BPHL: variants seen among roughly 807,000 people sequenced by gnomAD.
BPHL encodes serine hydrolase BPHL.
BPHL carries 27 observed loss-of-function variants against 31.2 expected under a neutral mutation model. The ratio of observed to expected loss-of-function variants is 0.87; its 90% CI spans 0.64 to 1.19. BPHL has a LOEUF of 1.19. Ranked by LOEUF, BPHL falls within the 50% of genes most tolerant of loss-of-function variation. BPHL has a pLI of 0.00. For synonymous variants in BPHL, 150 were observed against 146.8 expected (o/e 1.02, Z -0.16); for missense variants, 356 against 375.7 (o/e 0.95, Z 0.43).
intron 1 of BPHL, among the ~76,000 whole-genome samples, chr6:3,120,658 A>G (rs1307392622): frequency 6.6e-6 from 1 of 152,132 alleles, no homozygotes; most frequent in Non-Finnish European, 1.5e-5. Flanking sequence ...GCTGTTTGGA[A>G]CTTTGACCCT....
chr6:3,151,777 A>T (rs1444866948), intron 6 of BPHL, among the ~76,000 whole-genome samples: 1 of 152,212 alleles, frequency 6.6e-6, no homozygotes, highest in Non-Finnish European at 1.5e-5. Context: ...GGAAACTGTA[A>T]ATCTGTCCCA....
chr6:3,140,200 A>T lies in BPHL; in HGVS notation c.665-186A>T. Reference sequence around the variant, plus strand: ...GCAAACAAACAAGAAACAGAGAGAAACAGAAAAGGGAACCCAAAGAATGTT... The same window carrying T: ...GCAAACAAACAAGAAACAGAGAGAATCAGAAAAGGGAACCCAAAGAATGTT... On this transcript the variant is annotated intron_variant, in intron 5 of 6. Transcript: ENST00000380379. This position sits in a 1 kb window ranked among gnomAD's most constrained non-coding sequence, Gnocchi z 5.2. 1.5e-6 allele frequency: 1 copy of T among 671,112 alleles called. No homozygotes were observed. The highest frequency in any genetic ancestry group is 3.3e-5 in the Admixed American group (1 of 30,294). The allele number at this position is 671,112 out of a possible 1,614,324, so 41.6% of individuals were successfully genotyped here.
rs1762159037 is a variant in BPHL, at chr6:3,141,000, G to A, written c.788+491G>A. On this transcript the variant is annotated intron_variant, in intron 6 of 6. Transcript: ENST00000380379. The surrounding 1 kb of genome is among the most constrained non-coding windows in gnomAD (Gnocchi z 5.2). Reference sequence around the variant, plus strand: ...TCCCTAAAGCCCCCAGGCCAGCAGGGAAAGCAGGCACAGAAACAGCTCCAC... The same window carrying A: ...TCCCTAAAGCCCCCAGGCCAGCAGGAAAAGCAGGCACAGAAACAGCTCCAC... 1.3e-5 allele frequency among the ~76,000 whole-genome samples: 2 copies of A among 152,334 alleles called. No individual in the cohort carries two copies. Among genetic ancestry groups the A allele is most frequent in the Non-Finnish European group, 2.9e-5 (2 of 68,030 alleles).
chr6:3,128,938 T>C, intron 3 of BPHL, 107 bp from the exon 4 acceptor site: 1 of 1,522,984 alleles, frequency 6.6e-7, no homozygotes, highest in Non-Finnish European at 9.1e-7. Flanking sequence ...TCTGACTAAT[T>C]GATACTCCAG....
rs761299550 is a variant in BPHL, at chr6:3,119,502, C to A, written c.107+655C>A. 1.6e-5 allele frequency: 26 copies of A among 1,614,112 alleles called. No homozygotes were observed. In the South Asian group the frequency reaches 2.6e-4, roughly 16 times the overall value. On this transcript the variant is annotated intron_variant, in intron 1 of 6. Transcript: ENST00000380379. Reference sequence around the variant, plus strand: ...TTCTCTTTTGTCCTCCCACCTGTCCCCCCATTTCAGGTAAAACAATAACAA... The same window carrying A: ...TTCTCTTTTGTCCTCCCACCTGTCCACCCATTTCAGGTAAAACAATAACAA...
intron 3 of BPHL, 139 bp from the exon 4 acceptor site, chr6:3,128,906 G>A: frequency 7.9e-7 from 1 of 1,267,186 alleles, no homozygotes; most frequent in South Asian, 1.3e-5. Context: ...TCATCAAATG[G>A]TGGACTCTAG....
chr6:3,144,120 T>A (rs1762255973), intron 6 of BPHL, among the ~76,000 whole-genome samples: 1 of 152,226 alleles, frequency 6.6e-6, no homozygotes, highest in Non-Finnish European at 1.5e-5. Context: ...CAGGCTGGAG[T>A]GCAGTGGCGC....
chr6:3,146,467 T>TTGGAGTGCTGGTTCCAGC (rs1561801260), intron 6 of BPHL, among the ~76,000 whole-genome samples: 1 of 94,002 alleles, frequency 1.1e-5, no homozygotes, highest in African/African-American at 4.6e-5. Context: ...CTGGTTCGGG[T>TTGGAGTGCTGGTTCCAGC]TGGAGTGCTG....
At position 3,140,454 on chromosome 6, in the gene BPHL, C is replaced by T; in HGVS notation, c.733C>T (p.Pro245Ser). 6.2e-7 allele frequency: 1 copy of T among 1,614,120 alleles called. No homozygotes were observed. Among genetic ancestry groups the T allele is most frequent in the Non-Finnish European group, 8.5e-7 (1 of 1,180,018 alleles). ...CTTGATTGTGCACGGTGAGAAGGAT[C>T]CTCTGGTCCCACGGTTTCATGCCGA... Reference protein sequence around the residue: ...PALIVHGEKDPLVPRFHADFI... With the variant: ...PALIVHGEKDSLVPRFHADFI... The change falls in exon 6 of 7, where the codon CCT becomes TCT. Residue 245 changes from proline to serine, a missense_variant. By Grantham distance (74) the Pro-to-Ser change is moderately conservative. Coordinates refer to ENST00000380379, the MANE Select transcript of BPHL (RefSeq NM_004332.4). The surrounding 1 kb of genome is among the most constrained non-coding windows in gnomAD (Gnocchi z 5.2).
At chr6:3,128,391 C>T (rs112570981) in intron 3 of BPHL, among the ~76,000 whole-genome samples, 3 of 152,088 alleles carry the variant, frequency 2.0e-5, no homozygotes, top group African/African-American at 4.8e-5. Context: ...TTTTATGGTC[C>T]GGGCAGCAAA....
chr6:3,148,587 C>T (rs754988068), intron 6 of BPHL, among the ~76,000 whole-genome samples: 2 of 152,218 alleles, frequency 1.3e-5, no homozygotes, highest in African/African-American at 2.4e-5. Flanking sequence ...TCTGCTACTG[C>T]CCCAGGTGAC....
At chr6:3,134,064 T>G (rs571321313) in intron 4 of BPHL, among the ~76,000 whole-genome samples, 1 of 152,372 alleles carries the variant, frequency 6.6e-6, no homozygotes, top group South Asian at 2.1e-4. Context: ...CATTTCGTAT[T>G]ACTAATAAGA....
intron 4 of BPHL, among the ~76,000 whole-genome samples, chr6:3,130,105 C>A (rs1233055477): frequency 1.3e-5 from 2 of 152,196 alleles, no homozygotes; most frequent in Non-Finnish European, 1.5e-5. Flanking sequence ...CCACGCCCAG[C>A]CTGAGGTCTT....
At chr6:3,128,924 C>G (rs1309372230) in intron 3 of BPHL, 121 bp from the exon 4 acceptor site, 38 of 1,460,406 alleles carry the variant, frequency 2.6e-5, no homozygotes, top group Non-Finnish European at 3.4e-5. Context: ...TAGGGTTTTT[C>G]TTTTCTGACT....
At chr6:3,121,086 G>A (rs1240659775) in intron 1 of BPHL, among the ~76,000 whole-genome samples, 1 of 151,968 alleles carries the variant, frequency 6.6e-6, no homozygotes, top group Non-Finnish European at 1.5e-5. Context: ...AAAAGCCTGG[G>A]GATATAATAA....
In BPHL at chr6:3,145,789, G is replaced by A. The variant is rs71552166; in HGVS notation, c.788+5280G>A. On this transcript the variant is annotated intron_variant, in intron 6 of 6. Transcript: ENST00000380379. The stretch of plus-strand genomic sequence containing the variant: ...TGGTTCAGGTTGGAGTGCTGGTTCC[G>A]GCTAGAGTGCTGGTTTGGGTCGAGT... Among the ~76,000 whole-genome samples, 3 of 53,038 alleles carry A rather than the reference G, an allele frequency of 5.7e-5. 1 individual carries two copies. Among genetic ancestry groups the A allele is most frequent in the Admixed American group, 1.5e-4 (1 of 6,744 alleles). The allele number at this position is 53,038 out of a possible 152,430, so 34.8% of individuals were successfully genotyped here.
intron 3 of BPHL, 44 bp from the exon 4 acceptor site, chr6:3,129,001 G>A (rs1761790996): frequency 4.3e-6 from 7 of 1,613,482 alleles, no homozygotes; most frequent in Non-Finnish European, 5.9e-6. Context: ...TTTTAACAGA[G>A]AGGAGCAATA....
chr6:3,146,723 G>T (rs1203327647), intron 6 of BPHL, among the ~76,000 whole-genome samples: 1 of 145,128 alleles, frequency 6.9e-6, no homozygotes, highest in Non-Finnish European at 1.5e-5. Context: ...GCTGGTTTGG[G>T]TTGAGTGCTG....
chr6:3,127,315 T>C lies in BPHL; in HGVS notation c.285T>C (p.Asp95=). The C allele has an allele frequency of 6.6e-7, 1 of 1,514,538 alleles. No homozygotes were observed. Among genetic ancestry groups the C allele is most frequent in the African/African-American group, 1.7e-5 (1 of 58,292 alleles). The allele number at this position is 1,514,538 out of a possible 1,614,324, so 93.8% of individuals were successfully genotyped here. The change falls in exon 3 of 7, where the codon GAT becomes GAC. Residue 95 remains aspartate (D), a synonymous_variant. Transcript: ENST00000380379. ...NKKLFTVVAW[D]PRGYGHSRPP... The stretch of plus-strand genomic sequence containing the variant: ...AGCTCTTCACGGTGGTCGCCTGGGA[T>C]CCTCGAGGCTATGGACATTCCAGGC...
Sources: allele counts gnomAD v4.1 joint callset (sites outside exome capture counted in the v4.1 genomes callset), GRCh38; gene constraint gnomAD v4.1.1; non-coding constraint Gnocchi (gnomAD v3.1); transcripts MANE v1.5; gene names NCBI Gene and HGNC (gene_info 2026-07-23, HGNC 2026-07-21).